Variants in CDH4 observed in about 807,000 individuals in gnomAD.
CDH4 encodes cadherin-4.
In CDH4, 33 loss-of-function variants were observed where a neutral mutation model predicts 86.0. The observed-to-expected ratio is 0.38, with a 90% confidence interval of 0.29 to 0.51. CDH4 has a LOEUF of 0.51. CDH4 is among the 20% of genes least tolerant of loss of function. The pLI, the probability that CDH4 is intolerant of heterozygous loss-of-function variation, is 0.86. For missense variants in CDH4, 1,114 were observed against 1,307.4 expected (o/e 0.85, Z 2.28); for synonymous variants, 555 against 549.4 (o/e 1.01, Z -0.14).
At chr20:61,912,933 A>G (rs1417424654) in intron 9 of CDH4, among the ~76,000 whole-genome samples, 2 of 152,198 alleles carry the variant, frequency 1.3e-5, no homozygotes, top group East Asian at 1.9e-4. Context: ...TTTGCTGGCA[A>G]CGTTGCTCAT....
At chr20:61,653,081 C>A (rs1269426575) in intron 2 of CDH4, among the ~76,000 whole-genome samples, 4 of 126,750 alleles carry the variant, frequency 3.2e-5, no homozygotes, top group Admixed American at 3.1e-4. Context: ...GAGGACCCTG[C>A]GGCCTTCCGC....
chr20:61,459,997 C>A (rs2085432738), intron 2 of CDH4, among the ~76,000 whole-genome samples: 1 of 152,108 alleles, frequency 6.6e-6, no homozygotes, highest in Non-Finnish European at 1.5e-5. Flanking sequence ...GAACCAATGG[C>A]AGAGTGATGG....
chr20:61,276,618 C>T (rs1004363558), intron 2 of CDH4, among the ~76,000 whole-genome samples: 1 of 152,216 alleles, frequency 6.6e-6, no homozygotes, highest in Non-Finnish European at 1.5e-5. Context: ...TGTTCTGTGA[C>T]TCTCTCACTG....
chr20:61,322,120 T>C (rs2084512010), intron 2 of CDH4, among the ~76,000 whole-genome samples: 1 of 152,062 alleles, frequency 6.6e-6, no homozygotes, highest in Non-Finnish European at 1.5e-5. Flanking sequence ...TCCGGGTCCT[T>C]GTACTTGCTT....
At chr20:61,322,832 G>A (rs2084515873) in intron 2 of CDH4, among the ~76,000 whole-genome samples, 2 of 152,324 alleles carry the variant, frequency 1.3e-5, no homozygotes, top group African/African-American at 2.4e-5. Flanking sequence ...CTTGTGCAGA[G>A]GCCTTTGATC....
chr20:61,256,858 C>T (rs944817493), intron 2 of CDH4, among the ~76,000 whole-genome samples: 1 of 152,212 alleles, frequency 6.6e-6, no homozygotes, highest in African/African-American at 2.4e-5. Flanking sequence ...TTCTTCCACT[C>T]GTTCTTCTGA....
At chr20:61,593,722 C>T (rs765669328) in intron 2 of CDH4, among the ~76,000 whole-genome samples, 11 of 151,928 alleles carry the variant, frequency 7.2e-5, no homozygotes, top group Non-Finnish European at 1.5e-4. Context: ...CCTCATGCCT[C>T]CATTCTGGAA....
intron 7 of CDH4, among the ~76,000 whole-genome samples, chr20:61,889,518 A>G (rs1426287449): frequency 1.4e-5 from 2 of 144,780 alleles, no homozygotes; most frequent in Non-Finnish European, 3.0e-5. Flanking sequence ...GGATGGATGG[A>G]TGATGGATGA....
chr20:61,824,034 C>T (rs986114713), intron 4 of CDH4, among the ~76,000 whole-genome samples: 6 of 152,204 alleles, frequency 3.9e-5, no homozygotes, highest in South Asian at 2.1e-4. Flanking sequence ...CTGTTAAACA[C>T]GTCAGCCTAT....
chr20:61,444,459 G>A (rs910378018), intron 2 of CDH4, among the ~76,000 whole-genome samples: 1 of 119,332 alleles, frequency 8.4e-6, no homozygotes. Context: ...GTGTGTATTT[G>A]TGTGTATCTG....
At chr20:61,593,705 T>A (rs2086533836) in intron 2 of CDH4, among the ~76,000 whole-genome samples, 1 of 152,118 alleles carries the variant, frequency 6.6e-6, no homozygotes, top group South Asian at 2.1e-4. Flanking sequence ...ACGAGGTCTG[T>A]GGAAGTCCTC....
intron 2 of CDH4, among the ~76,000 whole-genome samples, chr20:61,731,110 C>T (rs936186296): frequency 3.9e-5 from 6 of 152,012 alleles, no homozygotes; most frequent in South Asian, 2.1e-4. Flanking sequence ...GTCCTGGGGC[C>T]CATCACGGCA....
chr20:61,928,105 T>G (rs1750337561), intron 11 of CDH4, 85 bp from the exon 12 acceptor site: 6 of 1,039,044 alleles, frequency 5.8e-6, no homozygotes, highest in South Asian at 1.3e-5. Context: ...CACGTGGTTG[T>G]TTGTGTGCGT....
chr20:61,532,421 T>G (rs1312389358), intron 2 of CDH4, among the ~76,000 whole-genome samples: 1 of 152,204 alleles, frequency 6.6e-6, no homozygotes, highest in Non-Finnish European at 1.5e-5. Flanking sequence ...AATGAACCTC[T>G]TCGGTTTCAG....
chr20:61,907,414 G>A (rs2054801689), intron 8 of CDH4, among the ~76,000 whole-genome samples: 3 of 151,898 alleles, frequency 2.0e-5, no homozygotes, highest in Admixed American at 2.0e-4. Flanking sequence ...CCCAAGGACT[G>A]CAGGGCTGAG....
intron 2 of CDH4, among the ~76,000 whole-genome samples, chr20:61,530,791 G>C (rs2085946074): frequency 6.6e-6 from 1 of 152,072 alleles, no homozygotes; most frequent in Non-Finnish European, 1.5e-5. Flanking sequence ...GGGCAGTCCT[G>C]CCCTCAGCCA....
At chr20:61,791,487 G>A (rs958563977) in intron 4 of CDH4, among the ~76,000 whole-genome samples, 3 of 152,242 alleles carry the variant, frequency 2.0e-5, no homozygotes, top group Admixed American at 6.5e-5. Context: ...TGGATGAGAC[G>A]TGTATTGCGA....
At chr20:61,472,153 G>A (rs1487873429) in intron 2 of CDH4, among the ~76,000 whole-genome samples, 1 of 152,078 alleles carries the variant, frequency 6.6e-6, no homozygotes, top group African/African-American at 2.4e-5. Flanking sequence ...CTTTACCTCT[G>A]ATAATATTTG....
intron 2 of CDH4, among the ~76,000 whole-genome samples, chr20:61,741,501 T>C (rs1022636095): frequency 2.0e-5 from 3 of 151,918 alleles, no homozygotes; most frequent in African/African-American, 7.3e-5. Flanking sequence ...CCTGTACTTT[T>C]TTTTTTTTGA....
Sources: allele counts gnomAD v4.1 joint callset (sites outside exome capture counted in the v4.1 genomes callset), GRCh38; gene constraint gnomAD v4.1.1; transcripts MANE v1.5; gene names NCBI Gene and HGNC (gene_info 2026-07-23, HGNC 2026-07-21).